CD8B2: variants seen among roughly 807,000 people sequenced by gnomAD.
CD8B2 encodes the protein T-cell surface glycoprotein CD8 beta-2 chain.
A neutral mutation model predicts 23.7 loss-of-function variants in CD8B2; 11 were observed. The observed-to-expected ratio is 0.46, with a 90% CI of 0.29 to 0.77. The LOEUF is 0.77. Among genes scored for constraint, CD8B2 ranks in the 30% least tolerant of loss-of-function variants. The pLI, the probability that CD8B2 is intolerant of heterozygous loss-of-function variation, is 0.09. For missense variants in CD8B2, 197 were observed against 270.5 expected (o/e 0.73, Z 1.91); for synonymous variants, 90 against 109.3 (o/e 0.82, Z 1.10).
rs919165382 is a variant in CD8B2, at chr2:106,497,413, T to TAC, written c.493+1163_493+1164dup. On this transcript the variant is annotated intron_variant, in intron 3 of 5. Transcript: ENST00000643224. ...ACACCTCAGCTGGAGTGTACGCACA[T>TAC]ACACACACACACAGACACACATGCC... Among the ~76,000 whole-genome samples the TAC allele has an allele frequency of 7.9e-5, 12 of 151,990 alleles. No individual in the cohort carries two copies. In the South Asian group the frequency reaches 1.5e-3, roughly 18 times the overall value.
chr2:106,541,603 G>GA (rs1223131267), intron 5 of CD8B2, among the ~76,000 whole-genome samples: 1 of 152,180 alleles, frequency 6.6e-6, no homozygotes, highest in Non-Finnish European at 1.5e-5. Flanking sequence ...CAAACCGTAA[G>GA]ATGCGACCTG....
At chr2:106,526,166 G>C (rs961575875) in intron 5 of CD8B2, among the ~76,000 whole-genome samples, 2 of 151,800 alleles carry the variant, frequency 1.3e-5, no homozygotes, top group Non-Finnish European at 2.9e-5. Context: ...ACTTGAACCC[G>C]GGAGGCAGTG....
chr2:106,520,290 C>T (rs568781516), intron 5 of CD8B2, among the ~76,000 whole-genome samples: 22 of 152,200 alleles, frequency 1.4e-4, no homozygotes, highest in Non-Finnish European at 2.5e-4. Flanking sequence ...CAAAGGAATC[C>T]GCTGATGGAG....
chr2:106,543,516 C>T (rs1003942550), intron 5 of CD8B2, among the ~76,000 whole-genome samples: 9 of 151,930 alleles, frequency 5.9e-5, no homozygotes, highest in East Asian at 1.9e-4. Flanking sequence ...GGTAACAGGG[C>T]GAGACTCTGT....
intron 5 of CD8B2, among the ~76,000 whole-genome samples, 180 bp from the exon 6 acceptor site, chr2:106,506,748 A>C (rs887233138): frequency 6.6e-6 from 1 of 151,768 alleles, no homozygotes; most frequent in Non-Finnish European, 1.5e-5. Flanking sequence ...TTTGGTTTTT[A>C]GCCTTAACAA....
intron 5 of CD8B2, among the ~76,000 whole-genome samples, chr2:106,524,332 G>A (rs905112229): frequency 1.3e-5 from 2 of 152,190 alleles, no homozygotes; most frequent in Non-Finnish European, 2.9e-5. Context: ...TTGAGGCTGA[G>A]CTTTATTTCC....
rs764875754 is a variant in CD8B2, at chr2:106,532,460, G to A, written c.621-11532G>A. 7.2e-5 allele frequency among the ~76,000 whole-genome samples: 11 copies of A among 152,290 alleles called. 1 individual carries two copies. The highest frequency in any genetic ancestry group is 6.8e-3 in the Middle Eastern group (2 of 294). On this transcript the variant is annotated intron_variant, in intron 5 of 5. Transcript: ENST00000416057. The stretch of plus-strand genomic sequence containing the variant: ...TCTTGCTCAAGAAAGAATTTGGGGC[G>A]AGTCCATATAGTAAAGTGAAAGCAA...
At chr2:106,538,984 A>C (rs760795869) in intron 5 of CD8B2, among the ~76,000 whole-genome samples, 2 of 152,214 alleles carry the variant, frequency 1.3e-5, no homozygotes, top group Non-Finnish European at 2.9e-5. Context: ...AACTAGTGAC[A>C]CATGAGGACT....
At chr2:106,487,882 C>A (rs1481011037) in intron 1 of CD8B2, among the ~76,000 whole-genome samples, 1 of 151,842 alleles carries the variant, frequency 6.6e-6, no homozygotes, top group Non-Finnish European at 1.5e-5. Context: ...TTATTACTTC[C>A]GGGGAAGTGT....
intron 5 of CD8B2, among the ~76,000 whole-genome samples, chr2:106,522,341 G>A (rs1049655098): frequency 2.6e-5 from 4 of 152,150 alleles, no homozygotes; most frequent in Non-Finnish European, 5.9e-5. Context: ...TGGTTAAAGA[G>A]AGTCCAATAA....
intron 5 of CD8B2, among the ~76,000 whole-genome samples, chr2:106,524,084 G>A (rs1679871871): frequency 6.6e-6 from 1 of 152,168 alleles, no homozygotes; most frequent in African/African-American, 2.4e-5. Context: ...TCAAGTGTCG[G>A]CCATGTGGGG....
chr2:106,540,160 T>C (rs919877653), intron 5 of CD8B2, among the ~76,000 whole-genome samples: 1 of 152,080 alleles, frequency 6.6e-6, no homozygotes, highest in Non-Finnish European at 1.5e-5. Flanking sequence ...GAAAGAATCA[T>C]GCAGAGAATC....
chr2:106,498,356 C>T (rs1205414390), intron 3 of CD8B2, among the ~76,000 whole-genome samples: 1 of 152,034 alleles, frequency 6.6e-6, no homozygotes, highest in Non-Finnish European at 1.5e-5. Flanking sequence ...CCATGTTGGC[C>T]AAGCTGGTCT....
intron 5 of CD8B2, among the ~76,000 whole-genome samples, chr2:106,542,835 A>G (rs954860514): frequency 4.6e-5 from 7 of 152,018 alleles, no homozygotes; most frequent in Non-Finnish European, 7.4e-5. Flanking sequence ...AAGTGAATAC[A>G]TGTGCGCCCA....
At chr2:106,505,091 T>G (rs71419328) in intron 5 of CD8B2, among the ~76,000 whole-genome samples, 4,780 of 149,558 alleles carry the variant, frequency 0.032, 95 homozygotes, top group African/African-American at 0.039. Flanking sequence ...AAGTTGCTTT[T>G]CCCTGGTAGG....
At chr2:106,524,465 G>A (rs1679879493) in intron 5 of CD8B2, among the ~76,000 whole-genome samples, 1 of 152,276 alleles carries the variant, frequency 6.6e-6, no homozygotes, top group African/African-American at 2.4e-5. Context: ...GATTCCTGAA[G>A]CACCGTCCTG....
intron 5 of CD8B2, among the ~76,000 whole-genome samples, chr2:106,540,200 AT>A (rs149797033): frequency 0.078 from 11,906 of 152,264 alleles, 634 homozygotes; most frequent in African/African-American, 0.16. Context: ...ATTAAAAAAA[AT>A]ATCCAAGTAT....
At chr2:106,542,674 G>GTATATATTATATATGAAA (rs1226073618) in intron 5 of CD8B2, among the ~76,000 whole-genome samples, 78 of 147,036 alleles carry the variant, frequency 5.3e-4, no homozygotes, top group African/African-American at 1.9e-3. Context: ...TATATATGAA[G>GTATATATTATATATGAAA]TATATATTAT....
intron 5 of CD8B2, among the ~76,000 whole-genome samples, chr2:106,540,978 G>A (rs1393021976): frequency 2.0e-5 from 3 of 152,120 alleles, no homozygotes; most frequent in Non-Finnish European, 4.4e-5. Flanking sequence ...CAGCCTTTTG[G>A]GGAAAATGAC....
Sources: allele counts gnomAD v4.1 joint callset (sites outside exome capture counted in the v4.1 genomes callset), GRCh38; gene constraint gnomAD v4.1.1; transcripts MANE v1.5; gene names NCBI Gene and HGNC (gene_info 2026-07-23, HGNC 2026-07-21).